Variants in CAST observed in about 807,000 individuals in gnomAD.
CAST encodes calpastatin, also known as MIR583 host.
A neutral mutation model predicts 119.6 loss-of-function variants in CAST; 76 were observed. The ratio of observed to expected loss-of-function variants is 0.64; its 90% CI spans 0.53 to 0.77. The LOEUF is 0.77. CAST is among the 30% of genes least tolerant of loss of function. CAST has a pLI of 0.00. For missense variants in CAST, 953 were observed against 946.5 expected (o/e 1.01, Z -0.09); for synonymous variants, 319 against 331.6 (o/e 0.96, Z 0.41).
chr5:96,099,429 T>A, the CAST span, among the ~76,000 whole-genome samples: 3 of 152,206 alleles, frequency 2.0e-5, no homozygotes, highest in Non-Finnish European at 2.9e-5. Context: ...GCTTCCAACT[T>A]TTGCCTATTC....
the CAST span, among the ~76,000 whole-genome samples, chr5:96,092,671 T>C: frequency 6.6e-6 from 1 of 152,204 alleles, no homozygotes; most frequent in Non-Finnish European, 1.5e-5. Context: ...GGGGAATAAT[T>C]TGAGGCCAAC....
the CAST span, among the ~76,000 whole-genome samples, chr5:96,136,360 G>C: frequency 6.6e-6 from 1 of 151,614 alleles, no homozygotes; most frequent in East Asian, 1.9e-4. Context: ...GTTTTGTTTT[G>C]TTTTGTTTTG....
chr5:96,248,692 A>G, the CAST span, among the ~76,000 whole-genome samples: 17 of 152,378 alleles, frequency 1.1e-4, no homozygotes, highest in African/African-American at 4.1e-4. Flanking sequence ...TTAAATGCCA[A>G]TGAGACCATA....
At chr5:96,597,285 C>T (rs1747069999) in intron 1 of CAST, among the ~76,000 whole-genome samples, 1 of 152,150 alleles carries the variant, frequency 6.6e-6, no homozygotes, top group African/African-American at 2.4e-5. Flanking sequence ...TCCATCTGCC[C>T]TAAAAAAGAA....
the CAST span, among the ~76,000 whole-genome samples, chr5:96,230,710 G>A: frequency 7.2e-5 from 11 of 152,040 alleles, no homozygotes; most frequent in Non-Finnish European, 1.6e-4. Flanking sequence ...TGAAAAGAAG[G>A]TCTATAGACT....
chr5:96,491,416 G>A, the CAST span, among the ~76,000 whole-genome samples: 10 of 142,842 alleles, frequency 7.0e-5, no homozygotes, highest in South Asian at 2.0e-3. Context: ...GCGTGAACCC[G>A]GGAGGCGGAG....
At chr5:96,059,222 T>C in the CAST span, among the ~76,000 whole-genome samples, 1 of 151,930 alleles carries the variant, frequency 6.6e-6, no homozygotes, top group Non-Finnish European at 1.5e-5. Flanking sequence ...GTTACGGAAG[T>C]GTGAGCTTGC....
At chr5:96,621,212 A>G (rs1419982891) in intron 1 of CAST, among the ~76,000 whole-genome samples, 2 of 152,212 alleles carry the variant, frequency 1.3e-5, no homozygotes, top group Non-Finnish European at 1.5e-5. Flanking sequence ...TTTGTCTCTC[A>G]TTAAAGGAAA....
the CAST span, among the ~76,000 whole-genome samples, chr5:96,346,127 A>G: frequency 6.6e-6 from 1 of 152,172 alleles, no homozygotes; most frequent in Admixed American, 6.6e-5. Context: ...GCAAAATATG[A>G]GTGACATTTA....
At chr5:96,584,439 A>T (rs967607410) in intron 1 of CAST, 1 of 152,196 alleles carries the variant, frequency 6.6e-6, no homozygotes, top group Non-Finnish European at 1.5e-5. Flanking sequence ...CTCCTCTGAT[A>T]TTTGTTTTGT....
rs148524482 is a variant in CAST, at chr5:96,621,015, C to A, written c.61-54524C>A. ...GGCAAAGCCGGTTCTTAACTCTCCTCTTCTGAATCTTTTTTCTTTCTCCTA... is the reference window on the plus strand; with the variant it reads ...GGCAAAGCCGGTTCTTAACTCTCCTATTCTGAATCTTTTTTCTTTCTCCTA... On this transcript the variant is annotated intron_variant, in intron 1 of 11. Transcript: ENST00000505143. Among the ~76,000 whole-genome samples, 373 of 152,292 alleles carry A rather than the reference C, an allele frequency of 2.4e-3. 3 individuals are homozygous for A. The highest frequency in any genetic ancestry group is 7.8e-3 in the African/African-American group (326 of 41,556).
the CAST span, among the ~76,000 whole-genome samples, chr5:96,298,628 T>G: frequency 6.6e-6 from 1 of 152,214 alleles, no homozygotes; most frequent in Non-Finnish European, 1.5e-5. Flanking sequence ...TAGTGTCATT[T>G]TTTTAGTGCC....
chr5:96,161,375 G>T, the CAST span, among the ~76,000 whole-genome samples: 1 of 152,058 alleles, frequency 6.6e-6, no homozygotes, highest in Non-Finnish European at 1.5e-5. Context: ...TTCCAGAACC[G>T]TTTGTTGAAA....
At chr5:96,283,146 GAAA>G in the CAST span, among the ~76,000 whole-genome samples, 1 of 130,258 alleles carries the variant, frequency 7.7e-6, no homozygotes, top group African/African-American at 3.0e-5. Context: ...AAAAAAAAAA[GAAA>G]AAAATTTATT....
chr5:96,099,507 C>A, the CAST span, among the ~76,000 whole-genome samples: 1 of 152,182 alleles, frequency 6.6e-6, no homozygotes, highest in South Asian at 2.1e-4. Context: ...CCTTCAGTAC[C>A]TAGTTTATTG....
chr5:96,225,212 G>A, the CAST span, among the ~76,000 whole-genome samples: 3 of 152,276 alleles, frequency 2.0e-5, no homozygotes, highest in African/African-American at 7.2e-5. Context: ...TATTGACTTT[G>A]TTGCTATTTG....
the CAST span, among the ~76,000 whole-genome samples, chr5:96,069,524 C>G: frequency 1.3e-5 from 2 of 151,840 alleles, no homozygotes; most frequent in Admixed American, 6.6e-5. Context: ...TGCTCTGTCA[C>G]CCAGGCTGGA....
chr5:96,397,351 C>T, the CAST span: 3 of 1,613,188 alleles, frequency 1.9e-6, no homozygotes, highest in Non-Finnish European at 2.5e-6. Context: ...CTGTAATTCT[C>T]AAAGTCCAAG....
chr5:96,210,559 TC>T, the CAST span, among the ~76,000 whole-genome samples: 45 of 152,170 alleles, frequency 3.0e-4, 1 homozygote, highest in South Asian at 9.3e-3. Flanking sequence ...TGTCTGCCCT[TC>T]TACCAATATT....
Sources: gnomAD v4.1 joint callset for allele counts (sites outside exome capture counted in the v4.1 genomes callset) on GRCh38, gnomAD v4.1.1 for gene constraint, MANE v1.5 for transcripts, NCBI Gene and HGNC (gene_info 2026-07-23, HGNC 2026-07-21) for gene names.